The following MRPL34 variants were observed in gnomAD, a reference collection of about 807,000 sequenced individuals.
MRPL34 encodes the protein mitochondrial ribosomal protein L34.
In MRPL34, 8 loss-of-function variants were observed where a neutral mutation model predicts 6.7. That is an observed-to-expected ratio of 1.20 (90% CI 0.70 to 2.16). MRPL34 has a LOEUF of 2.16. Ranked by LOEUF, MRPL34 falls within the 30% of genes most tolerant of loss-of-function variation. The pLI, the probability that MRPL34 is intolerant of heterozygous loss-of-function variation, is 0.00. For synonymous variants in MRPL34, 59 were observed against 55.1 expected (o/e 1.07, Z -0.31); for missense variants, 146 against 125.5 (o/e 1.16, Z -0.78).
At chr19:17,299,194 G>A (rs552468642), upstream of MRPL34, among the ~76,000 whole-genome samples, 2 of 151,372 alleles carry the variant, frequency 1.3e-5, no homozygotes, top group South Asian at 2.1e-4. Context: ...AGGATGGCTT[G>A]AGCCCAGGAG....
intron 1 of MRPL34, among the ~76,000 whole-genome samples, chr19:17,293,908 C>G (rs1318832924): frequency 1.3e-5 from 2 of 152,064 alleles, no homozygotes; most frequent in African/African-American, 4.8e-5. Context: ...CCTTTCTAAT[C>G]TGAACTCGCT....
At chr19:17,297,861 G>A (rs1283206709) in intron 1 of MRPL34, 1 of 149,720 alleles carries the variant, frequency 6.7e-6, no homozygotes, top group Non-Finnish European at 1.5e-5. Context: ...TTCCCAAAGT[G>A]TTGGGATTAT....
chr19:17,305,068 A>G (rs1004511924), upstream of MRPL34, among the ~76,000 whole-genome samples: 1 of 152,108 alleles, frequency 6.6e-6, no homozygotes, highest in Non-Finnish European at 1.5e-5. Flanking sequence ...AAGGGCGGAT[A>G]GGGGAACACC....
intron 1 of MRPL34, chr19:17,292,956 G>T: frequency 9.2e-7 from 1 of 1,082,548 alleles, no homozygotes; most frequent in Non-Finnish European, 1.3e-6. Context: ...CATCTACCCT[G>T]CATCTCTCCA....
upstream of MRPL34, among the ~76,000 whole-genome samples, chr19:17,303,714 G>GC (rs1039929661): frequency 6.6e-6 from 1 of 152,066 alleles, no homozygotes; most frequent in Non-Finnish European, 1.5e-5. Context: ...CCAAGCCCTT[G>GC]CCCCCCAGCC....
chr19:17,299,377 C>T (rs1007528251), upstream of MRPL34, among the ~76,000 whole-genome samples: 8 of 151,674 alleles, frequency 5.3e-5, no homozygotes, highest in East Asian at 3.9e-4. Flanking sequence ...CTGGCTAACA[C>T]GGTGAAACCC....
chr19:17,295,902 G>T (rs1489829479), intron 1 of MRPL34, among the ~76,000 whole-genome samples: 3 of 152,110 alleles, frequency 2.0e-5, no homozygotes, highest in Non-Finnish European at 4.4e-5. Context: ...ATAAAGACAG[G>T]GTCTCCTTAT....
chr19:17,296,634 C>T (rs1427625866), intron 1 of MRPL34: 1 of 151,656 alleles, frequency 6.6e-6, no homozygotes, highest in Non-Finnish European at 1.5e-5. Flanking sequence ...GTGGGCTAGT[C>T]ATTTGCTTTT....
intron 1 of MRPL34, chr19:17,294,602 CT>C (rs1387194064): frequency 1.2e-6 from 2 of 1,606,654 alleles, no homozygotes; most frequent in Non-Finnish European, 1.7e-6. Flanking sequence ...ACAGTCCCCC[CT>C]CCCATCCAAC....
chr19:17,292,948 T>C, intron 1 of MRPL34: 1 of 1,174,786 alleles, frequency 8.5e-7, no homozygotes, highest in African/African-American at 1.5e-5. Context: ...CCTCCTCCCA[T>C]CTACCCTGCA....
chr19:17,301,758 G>T, upstream of MRPL34: 2 of 1,064,692 alleles, frequency 1.9e-6, no homozygotes, highest in Non-Finnish European at 2.5e-6. Flanking sequence ...GTGAGCCACG[G>T]CACTGAGATT....
chr19:17,302,576 T>A (rs2074125753), upstream of MRPL34, among the ~76,000 whole-genome samples: 2 of 152,084 alleles, frequency 1.3e-5, no homozygotes, highest in Non-Finnish European at 2.9e-5. Context: ...CTTGCTCAGC[T>A]CCCCTAGACC....
upstream of MRPL34, chr19:17,301,116 A>T (rs770314859): frequency 6.2e-7 from 1 of 1,613,180 alleles, no homozygotes; most frequent in Non-Finnish European, 8.5e-7. Context: ...CTTTGCAGCT[A>T]GTGATGCGCT....
chr19:17,294,586 A>G, intron 1 of MRPL34: 1 of 1,608,086 alleles, frequency 6.2e-7, no homozygotes, highest in Non-Finnish European at 8.5e-7. Flanking sequence ...CCCTAGTCCC[A>G]GCGGTACAGT....
upstream of MRPL34, among the ~76,000 whole-genome samples, chr19:17,304,142 TAGAG>T (rs1179932406): frequency 1.3e-5 from 2 of 152,194 alleles, no homozygotes; most frequent in Admixed American, 6.5e-5. Flanking sequence ...TGTGGGTAAT[TAGAG>T]AGTTTGAATT....
chr19:17,292,964 C>T (rs576136583), intron 1 of MRPL34: 1 of 989,900 alleles, frequency 1.0e-6, no homozygotes, highest in Admixed American at 3.1e-5. Context: ...CTGCATCTCT[C>T]CACTTCCACT....
At chr19:17,297,241 C>T (rs2074097389) in intron 1 of MRPL34, among the ~76,000 whole-genome samples, 1 of 152,114 alleles carries the variant, frequency 6.6e-6, no homozygotes, top group South Asian at 2.1e-4. Context: ...AATGTGCTGA[C>T]CTAATAGCAC....
chr19:17,301,384 C>G, upstream of MRPL34: 1 of 1,611,530 alleles, frequency 6.2e-7, no homozygotes, highest in Non-Finnish European at 8.5e-7. Flanking sequence ...CCGGCGCTGA[C>G]AGCGGACCAA....
upstream of MRPL34, among the ~76,000 whole-genome samples, chr19:17,298,836 G>A (rs1356551111): frequency 2.8e-5 from 4 of 144,146 alleles, no homozygotes; most frequent in East Asian, 6.0e-4. Context: ...TGCCTCCCAG[G>A]TTCAAGTGAT....
Sources: allele counts gnomAD v4.1 joint callset (sites outside exome capture counted in the v4.1 genomes callset), GRCh38; gene constraint gnomAD v4.1.1; transcripts MANE v1.5; gene names NCBI Gene and HGNC (gene_info 2026-07-23, HGNC 2026-07-21).